Variants in FAF1 observed in about 807,000 individuals in gnomAD.
FAF1 encodes the protein Fas associated factor 1.
A neutral mutation model predicts 92.5 loss-of-function variants in FAF1; 25 were observed. That is an observed-to-expected ratio of 0.27 (90% CI 0.20 to 0.38). FAF1 has a LOEUF of 0.38. Among genes scored for constraint, FAF1 ranks in the 10% least tolerant of loss-of-function variants. FAF1 has a pLI of 1.00. For synonymous variants in FAF1, 234 were observed against 273.2 expected (o/e 0.86, Z 1.42); for missense variants, 636 against 793.3 (o/e 0.80, Z 2.38).
chr1:50,699,367 C>T (rs1243656970), intron 7 of FAF1, among the ~76,000 whole-genome samples: 2 of 151,892 alleles, frequency 1.3e-5, no homozygotes, highest in African/African-American at 4.8e-5. Flanking sequence ...AATCTCATAA[C>T]TTTGGTTAAT....
intron 1 of FAF1, among the ~76,000 whole-genome samples, chr1:50,858,698 A>T (rs1295070661): frequency 6.6e-6 from 1 of 151,906 alleles, no homozygotes; most frequent in Non-Finnish European, 1.5e-5. Context: ...CCCCTTTAAC[A>T]TAAATACTAA....
intron 8 of FAF1, among the ~76,000 whole-genome samples, chr1:50,626,714 TAA>T (rs1653514530): frequency 6.6e-6 from 1 of 152,272 alleles, no homozygotes; most frequent in African/African-American, 2.4e-5. Flanking sequence ...ATATCTCTTT[TAA>T]AAAGTGTTAT....
rs138074417 is a variant in FAF1, at chr1:50,688,704, C to T, written c.657+17082G>A. Among the ~76,000 whole-genome samples, 1,504 of 151,978 alleles carry T rather than the reference C, an allele frequency of 9.9e-3. 23 individuals carry two copies. Among genetic ancestry groups the T allele is most frequent in the African/African-American group, 0.034 (1,424 of 41,476 alleles). On this transcript the variant is annotated intron_variant, in intron 7 of 18. Transcript: ENST00000396153. ...GCGCATGCCTGTAATCCCAGTTACT[C>T]GGGAGGCTGAGGCAGGAGAATCACT...
At chr1:50,927,111 A>G (rs1034997572) in intron 1 of FAF1, among the ~76,000 whole-genome samples, 1 of 152,230 alleles carries the variant, frequency 6.6e-6, no homozygotes, top group Non-Finnish European at 1.5e-5. Flanking sequence ...AAAGGGGAAT[A>G]GGGAGTTAAC....
intron 1 of FAF1, among the ~76,000 whole-genome samples, chr1:50,870,553 T>C (rs1256503575): frequency 1.3e-5 from 2 of 152,268 alleles, no homozygotes; most frequent in Non-Finnish European, 2.9e-5. Flanking sequence ...GCTAATTGCA[T>C]GTTTCTGTGT....
intron 1 of FAF1, among the ~76,000 whole-genome samples, chr1:50,879,808 A>C (rs1044638479): frequency 6.6e-6 from 1 of 152,196 alleles, no homozygotes; most frequent in Non-Finnish European, 1.5e-5. Flanking sequence ...CTGTGTTTTA[A>C]CAATTCCTCC....
intron 1 of FAF1, among the ~76,000 whole-genome samples, chr1:50,935,474 C>CTT (rs112833489): frequency 1.4e-5 from 2 of 139,434 alleles, no homozygotes; most frequent in East Asian, 2.1e-4. Context: ...TTTACTCTCT[C>CTT]TTTTTTTTTT....
At chr1:50,519,433 AAGGAAGG>A (rs1287728415) in intron 15 of FAF1, among the ~76,000 whole-genome samples, 3 of 141,124 alleles carry the variant, frequency 2.1e-5, no homozygotes, top group Non-Finnish European at 4.6e-5. Context: ...GGAAGGAAGG[AAGGAAGG>A]AGGAGGGAAG....
At chr1:50,696,155 C>T (rs1272112938) in intron 7 of FAF1, among the ~76,000 whole-genome samples, 1 of 152,092 alleles carries the variant, frequency 6.6e-6, no homozygotes, top group African/African-American at 2.4e-5. Flanking sequence ...CATTGCCTAG[C>T]TCTCTCATTC....
intron 3 of FAF1, among the ~76,000 whole-genome samples, chr1:50,796,894 C>A (rs538499954): frequency 6.6e-6 from 1 of 152,110 alleles, no homozygotes; most frequent in African/African-American, 2.4e-5. Context: ...CTTTGGGAGG[C>A]CGAGGCAGGA....
intron 2 of FAF1, among the ~76,000 whole-genome samples, chr1:50,826,748 T>C (rs1242251744): frequency 6.6e-6 from 1 of 152,102 alleles, no homozygotes. Context: ...AAAATTTAGA[T>C]AGACAAACTC....
At chr1:50,645,390 G>A (rs1297021390) in intron 8 of FAF1, among the ~76,000 whole-genome samples, 1 of 152,230 alleles carries the variant, frequency 6.6e-6, no homozygotes, top group Non-Finnish European at 1.5e-5. Context: ...CTAAATGCCA[G>A]ACATTACACC....
In FAF1 at chr1:50,743,475, G is replaced by T. The variant is rs143270508; in HGVS notation, c.459+1209C>A. 9.9e-3 allele frequency among the ~76,000 whole-genome samples: 1,497 copies of T among 151,712 alleles called. 23 individuals are homozygous for T. Among genetic ancestry groups the T allele is most frequent in the African/African-American group, 0.034 (1,419 of 41,414 alleles). On this transcript the variant is annotated intron_variant, in intron 5 of 18. Transcript: ENST00000396153. The stretch of plus-strand genomic sequence containing the variant: ...CCCGAGTAGCTTGGATTACAGGGGC[G>T]TGCCACCACGCCCAGCTAATTTTTG...
intron 1 of FAF1, among the ~76,000 whole-genome samples, chr1:50,942,611 C>T (rs1645142313): frequency 6.6e-6 from 1 of 152,132 alleles, no homozygotes; most frequent in Admixed American, 6.5e-5. Flanking sequence ...GCTAAGAATC[C>T]ACCCTACTTA....
At chr1:50,779,989 CAG>C (rs1212209879) in intron 4 of FAF1, among the ~76,000 whole-genome samples, 3 of 119,156 alleles carry the variant, frequency 2.5e-5, no homozygotes, top group Non-Finnish European at 3.5e-5. Flanking sequence ...CACAGACAGA[CAG>C]ACACACACAC....
intron 8 of FAF1, among the ~76,000 whole-genome samples, chr1:50,638,833 A>T (rs952756140): frequency 6.6e-6 from 1 of 152,104 alleles, no homozygotes; most frequent in Non-Finnish European, 1.5e-5. Context: ...TTTTGCTTTG[A>T]AAAAAAACTT....
At position 50,767,918 on chromosome 1, in the gene FAF1, C is replaced by T. The variant is rs540732943; in HGVS notation, c.367+20082G>A. Among the ~76,000 whole-genome samples, 12 of 152,200 alleles carry T rather than the reference C, an allele frequency of 7.9e-5. No individual in the cohort carries two copies. The South Asian group carries it at 1.0e-3, about 13-fold the overall frequency. On this transcript the variant is annotated intron_variant, in intron 4 of 18. Coordinates refer to ENST00000396153, the MANE Select transcript of FAF1 (RefSeq NM_007051.3). Reference sequence around the variant, plus strand: ...TCTGCATAATAACCAGGTAACAATCCGATGACTGGATCAAATCCACACCTA... The same window carrying T: ...TCTGCATAATAACCAGGTAACAATCTGATGACTGGATCAAATCCACACCTA...
chr1:50,675,916 A>G (rs1656097816), intron 7 of FAF1, among the ~76,000 whole-genome samples: 1 of 152,216 alleles, frequency 6.6e-6, no homozygotes, highest in Non-Finnish European at 1.5e-5. Flanking sequence ...GGTACTGTGC[A>G]TGTTACTCTA....
chr1:50,744,144 A>G (rs1659499579), intron 5 of FAF1, among the ~76,000 whole-genome samples: 1 of 152,220 alleles, frequency 6.6e-6, no homozygotes, highest in African/African-American at 2.4e-5. Context: ...TATTTCCTTA[A>G]AATTGCAATA....
Sources: gnomAD v4.1 joint callset for allele counts (sites outside exome capture counted in the v4.1 genomes callset) on GRCh38, gnomAD v4.1.1 for gene constraint, MANE v1.5 for transcripts, NCBI Gene and HGNC (gene_info 2026-07-23, HGNC 2026-07-21) for gene names.